The following JAK2 variants were observed in gnomAD, a reference collection of about 807,000 sequenced individuals.
The protein encoded by JAK2 is Janus kinase 2, also known as tyrosine-protein kinase JAK2.
Under a neutral mutation model 139.3 loss-of-function variants are expected in JAK2, and 86 were observed. That is an observed-to-expected ratio of 0.62 (90% CI 0.52 to 0.74). JAK2 has a LOEUF of 0.74. JAK2 is among the 30% of genes least tolerant of loss of function. The pLI is 0.00. For synonymous variants in JAK2, 490 were observed against 437.7 expected, an observed-to-expected ratio of 1.12 and a Z score of -1.49; for missense variants, 1,421 against 1,360.3, an observed-to-expected ratio of 1.04 and a Z score of -0.70.
intron 14 of JAK2, among the ~76,000 whole-genome samples, chr9:5,074,834 G>A (rs2130564607): frequency 6.6e-6 from 1 of 151,200 alleles, no homozygotes; most frequent in Non-Finnish European, 1.5e-5. Context: ...TGATGAAGAT[G>A]GCTTAGAGAG....
intron 20 of JAK2, 94 bp from the exon 21 acceptor site, chr9:5,090,350 CAT>C (rs988379879): frequency 1.3e-5 from 12 of 894,716 alleles, no homozygotes; most frequent in South Asian, 3.9e-5. Context: ...TCTTAGATTT[CAT>C]ATATGTTTAA....
At chr9:4,994,768 C>G (rs1026842660) in intron 2 of JAK2, among the ~76,000 whole-genome samples, 2 of 152,172 alleles carry the variant, frequency 1.3e-5, no homozygotes, top group Non-Finnish European at 2.9e-5. Context: ...TTACTTGACT[C>G]CACATCTCTT....
chr9:4,996,717 A>G (rs1275595225), intron 2 of JAK2, among the ~76,000 whole-genome samples: 3 of 151,916 alleles, frequency 2.0e-5, no homozygotes, highest in Non-Finnish European at 4.4e-5. Context: ...CCTCCCTGCC[A>G]CAGACTTTTA....
chr9:5,042,416 C>T (rs572549872), intron 4 of JAK2, among the ~76,000 whole-genome samples: 1 of 152,210 alleles, frequency 6.6e-6, no homozygotes, highest in African/African-American at 2.4e-5. Flanking sequence ...GGATTACAGG[C>T]GTGAGCCACC....
rs1819624684 is a variant in JAK2 at position 5,080,667 on chromosome 9, C to T, written c.2418C>T (p.Asn806=). The change falls in exon 18 of 25, where the codon AAC becomes AAT. Residue 806 remains asparagine (N), a synonymous_variant. Coordinates refer to ENST00000381652, the MANE Select transcript of JAK2 (RefSeq NM_004972.4). Reference sequence around the variant, plus strand: ...TCAGAGCCATCATACGAGATCTTAACAGTTTGTTTACTCCAGGTATGTATT... The same window carrying T: ...TCAGAGCCATCATACGAGATCTTAATAGTTTGTTTACTCCAGGTATGTATT... ...PSFRAIIRDL[N]SLFTPDYELL... 3.2e-6 allele frequency: 5 copies of T among 1,587,068 alleles called. No homozygotes were observed. Among genetic ancestry groups the T allele is most frequent in the East Asian group, 4.5e-5 (2 of 44,460 alleles).
At chr9:5,037,671 C>G (rs543907296) in intron 4 of JAK2, among the ~76,000 whole-genome samples, 65 of 152,094 alleles carry the variant, frequency 4.3e-4, no homozygotes, top group African/African-American at 1.4e-3. Flanking sequence ...AACACATGGA[C>G]ACAGGAATGG....
At chr9:5,055,005 T>C in intron 7 of JAK2, 121 bp downstream of exon 7, 1 of 683,452 alleles carries the variant, frequency 1.5e-6, no homozygotes, top group South Asian at 2.3e-5. Context: ...GAAGTGGAAG[T>C]TTTTAATAGC....
At chr9:5,058,503 G>T (rs530822421) in intron 8 of JAK2, among the ~76,000 whole-genome samples, 1 of 152,030 alleles carries the variant, frequency 6.6e-6, no homozygotes, top group East Asian at 1.9e-4. Context: ...TCCCTCCCTC[G>T]ACACATGGGG....
At chr9:5,037,712 G>C (rs1443791037) in intron 4 of JAK2, among the ~76,000 whole-genome samples, 12 of 152,168 alleles carry the variant, frequency 7.9e-5, no homozygotes, top group Non-Finnish European at 2.9e-5. Flanking sequence ...GTTCTGGGGT[G>C]GGGGGATGGA....
chr9:5,004,250 A>C (rs1193514035), intron 2 of JAK2, among the ~76,000 whole-genome samples: 22 of 152,118 alleles, frequency 1.4e-4, no homozygotes, highest in Admixed American at 1.4e-3. Flanking sequence ...ATCTAACAGA[A>C]ATTTCGTATC....
intron 2 of JAK2, among the ~76,000 whole-genome samples, chr9:5,019,516 T>C (rs1014553712): frequency 6.6e-6 from 1 of 152,184 alleles, no homozygotes; most frequent in Non-Finnish European, 1.5e-5. Context: ...TTTTAATTCT[T>C]TTTCTGGCAT....
At chr9:5,006,200 G>C (rs893612121) in intron 2 of JAK2, among the ~76,000 whole-genome samples, 1 of 152,030 alleles carries the variant, frequency 6.6e-6, no homozygotes, top group Non-Finnish European at 1.5e-5. Context: ...TCCTTGAAGA[G>C]GTCCTTCACA....
intron 22 of JAK2, chr9:5,094,500 T>A (rs570273800): frequency 6.6e-6 from 1 of 152,300 alleles, no homozygotes; most frequent in East Asian, 1.9e-4. Context: ...CAATTTCATA[T>A]GAAGTCACCC....
At chr9:4,988,635 A>G (rs1366087833) in intron 2 of JAK2, among the ~76,000 whole-genome samples, 1 of 152,200 alleles carries the variant, frequency 6.6e-6, no homozygotes, top group Admixed American at 6.5e-5. Context: ...ATGGCTTAAT[A>G]TATTTCCTCT....
chr9:5,087,596 G>A (rs2031907), intron 19 of JAK2, among the ~76,000 whole-genome samples: 30,430 of 151,998 alleles, frequency 0.2, 3,252 homozygotes, highest in Middle Eastern at 0.26. Flanking sequence ...GAGGCATTCC[G>A]AATTAAAAGT....
chr9:5,051,137 G>A (rs1817387314), intron 6 of JAK2, among the ~76,000 whole-genome samples: 1 of 152,158 alleles, frequency 6.6e-6, no homozygotes, highest in Non-Finnish European at 1.5e-5. Flanking sequence ...ATATTTGCAA[G>A]AGGGATAGTC....
intron 22 of JAK2, chr9:5,107,912 C>G (rs1466996017): frequency 1.3e-5 from 2 of 152,164 alleles, no homozygotes; most frequent in Non-Finnish European, 2.9e-5. Flanking sequence ...CACACAAAAT[C>G]TAAATTTACT....
Position 5,038,596 on chromosome 9 carries a change from ATTTT to A in JAK2, c.351-5793_351-5790del, listed in dbSNP as rs58788809. ...GGACCAGAAGTGTTTTGGATTTTAG[ATTTT>A]TTTTTTTTTTTTTGGATTTTAGAAT... On this transcript the variant is annotated intron_variant, in intron 4 of 24. Transcript: ENST00000381652. 5.4e-3 allele frequency among the ~76,000 whole-genome samples: 787 copies of A among 146,544 alleles called. 7 individuals are homozygous for A. Among genetic ancestry groups the A allele is most frequent in the African/African-American group, 0.017 (699 of 40,160 alleles).
chr9:5,089,691 G>A lies in JAK2; in HGVS notation c.2589G>A (p.Val863=), dbSNP rs940438640. The A allele has an allele frequency of 7.1e-7, 1 of 1,413,510 alleles. No homozygotes were observed. The highest frequency in any genetic ancestry group is 2.7e-5 in the East Asian group (1 of 37,180). The allele number at this position is 1,413,510 out of a possible 1,614,324, so 87.6% of individuals were successfully genotyped here. Residue 863 remains valine (V), a synonymous_variant, in exon 20 of 25, where the codon GTG becomes GTA. Coordinates refer to ENST00000381652, the MANE Select transcript of JAK2 (RefSeq NM_004972.4). The stretch of plus-strand genomic sequence containing the variant: ...TCATTTAGGGTAATTTTGGGAGTGT[G>A]GAGATGTGCCGGTATGACCCTCTAC... ...QQLGKGNFGS[V]EMCRYDPLQD...
Sources: gnomAD v4.1 joint callset for allele counts (sites outside exome capture counted in the v4.1 genomes callset) on GRCh38, gnomAD v4.1.1 for gene constraint, MANE v1.5 for transcripts, NCBI Gene and HGNC (gene_info 2026-07-23, HGNC 2026-07-21) for gene names.